RPS6KC1: variants seen among roughly 807,000 people sequenced by gnomAD.
RPS6KC1 encodes the protein inactive ribosomal protein S6 kinase delta-1.
RPS6KC1 carries 54 observed loss-of-function variants against 103.8 expected under a neutral mutation model. The ratio of observed to expected loss-of-function variants is 0.52; its 90% CI spans 0.42 to 0.65. The LOEUF (loss-of-function observed/expected upper bound fraction) is 0.65. Among genes scored for constraint, RPS6KC1 ranks in the 30% least tolerant of loss-of-function variants. RPS6KC1 has a pLI of 0.00. For missense variants in RPS6KC1, 1,151 were observed against 1,253.8 expected (o/e 0.92, Z 1.24); for synonymous variants, 439 against 438.7 (o/e 1.00, Z -0.01).
chr1:213,684,756 G>C, the RPS6KC1 span, among the ~76,000 whole-genome samples: 47 of 152,226 alleles, frequency 3.1e-4, no homozygotes, highest in African/African-American at 1.1e-3. Flanking sequence ...CCTTTTGCTG[G>C]AGTTGTCTGG....
the RPS6KC1 span, among the ~76,000 whole-genome samples, chr1:213,645,558 C>G: frequency 6.6e-6 from 1 of 152,120 alleles, no homozygotes; most frequent in Non-Finnish European, 1.5e-5. Context: ...TCCCCCTACC[C>G]CATGTCACCT....
intron 6 of RPS6KC1, among the ~76,000 whole-genome samples, chr1:213,155,684 A>G (rs571421925): frequency 6.6e-6 from 1 of 152,014 alleles, no homozygotes; most frequent in Non-Finnish European, 1.5e-5. Flanking sequence ...GTATCTTTTC[A>G]GTGCCCCTTT....
At chr1:213,499,288 C>G in the RPS6KC1 span, among the ~76,000 whole-genome samples, 1 of 152,152 alleles carries the variant, frequency 6.6e-6, no homozygotes, top group Admixed American at 6.5e-5. Context: ...CACTTGACTA[C>G]AGGACTACGT....
chr1:213,178,268 G>T (rs1184199459), intron 8 of RPS6KC1, among the ~76,000 whole-genome samples: 1 of 150,984 alleles, frequency 6.6e-6, no homozygotes, highest in Non-Finnish European at 1.5e-5. Context: ...TGCTGGGTGT[G>T]GTGGCTCATG....
At chr1:213,155,142 T>G (rs1477447077) in intron 6 of RPS6KC1, among the ~76,000 whole-genome samples, 2 of 152,144 alleles carry the variant, frequency 1.3e-5, no homozygotes, top group African/African-American at 4.8e-5. Flanking sequence ...GACAAAGTCC[T>G]CCCCACTTTC....
the RPS6KC1 span, among the ~76,000 whole-genome samples, chr1:213,486,711 T>A: frequency 6.6e-6 from 1 of 152,218 alleles, no homozygotes; most frequent in Non-Finnish European, 1.5e-5. Context: ...TAGACTCCTT[T>A]CTTCCTGCTC....
the RPS6KC1 span, among the ~76,000 whole-genome samples, chr1:213,599,237 C>A: frequency 1.3e-5 from 2 of 152,042 alleles, no homozygotes; most frequent in Non-Finnish European, 2.9e-5. Context: ...AGCTGGTGAT[C>A]AATAAGGCAG....
At chr1:213,728,965 T>TTA in the RPS6KC1 span, among the ~76,000 whole-genome samples, 2 of 141,040 alleles carry the variant, frequency 1.4e-5, no homozygotes, top group African/African-American at 2.7e-5. Context: ...TTTTTTTTTT[T>TTA]ACCAGTGGAC....
At chr1:213,302,256 C>G in the RPS6KC1 span, among the ~76,000 whole-genome samples, 1 of 152,136 alleles carries the variant, frequency 6.6e-6, no homozygotes, top group Non-Finnish European at 1.5e-5. Flanking sequence ...CCTGTCTATG[C>G]TTTTGAAATG....
chr1:213,122,628 T>A (rs2084523949), intron 5 of RPS6KC1, among the ~76,000 whole-genome samples: 1 of 152,162 alleles, frequency 6.6e-6, no homozygotes, highest in African/African-American at 2.4e-5. Context: ...GCAAGTAATT[T>A]AAAGTAAAAT....
chr1:213,496,289 A>G, the RPS6KC1 span, among the ~76,000 whole-genome samples: 1 of 152,230 alleles, frequency 6.6e-6, no homozygotes, highest in Non-Finnish European at 1.5e-5. Context: ...AGTGTCTCAG[A>G]ATGGGTTTTA....
the RPS6KC1 span, among the ~76,000 whole-genome samples, chr1:213,844,498 C>A: frequency 6.6e-6 from 1 of 152,242 alleles, no homozygotes; most frequent in African/African-American, 2.4e-5. Flanking sequence ...TTTAAGAATG[C>A]ATTTTCTCCA....
chr1:213,374,680 G>T, the RPS6KC1 span, among the ~76,000 whole-genome samples: 1 of 152,244 alleles, frequency 6.6e-6, no homozygotes, highest in African/African-American at 2.4e-5. Context: ...AAAGGTGGTA[G>T]AAGTTTTCCT....
chr1:213,562,359 G>GTTTTTTTTTTTTTTTTTT, the RPS6KC1 span, among the ~76,000 whole-genome samples: 1 of 36,278 alleles, frequency 2.8e-5, no homozygotes, highest in African/African-American at 1.2e-4. Flanking sequence ...GAAAAGTTCT[G>GTTTTTTTTTTTTTTTTTT]TTTTTTTTTT....
the RPS6KC1 span, among the ~76,000 whole-genome samples, chr1:213,842,959 A>G: frequency 6.6e-6 from 1 of 152,190 alleles, no homozygotes; most frequent in African/African-American, 2.4e-5. Context: ...TATATAATCT[A>G]TGTATTTATT....
At chr1:213,205,568 T>TATATATA (rs1553378518) in intron 8 of RPS6KC1, among the ~76,000 whole-genome samples, 4 of 47,644 alleles carry the variant, frequency 8.4e-5, no homozygotes, top group African/African-American at 3.4e-4. Context: ...ATATATATAT[T>TATATATA]TCAAAAGAAT....
intron 3 of RPS6KC1, among the ~76,000 whole-genome samples, chr1:213,103,045 A>G (rs2082150584): frequency 1.3e-5 from 2 of 152,008 alleles, no homozygotes; most frequent in East Asian, 1.9e-4. Flanking sequence ...TCTCTCTACA[A>G]AATAATTAGC....
At chr1:213,353,125 G>A in the RPS6KC1 span, among the ~76,000 whole-genome samples, 1 of 152,204 alleles carries the variant, frequency 6.6e-6, no homozygotes, top group Non-Finnish European at 1.5e-5. Flanking sequence ...ATCTCCACCA[G>A]CTATAATGTC....
Position 213,215,651 on chromosome 1 carries a change from G to A in RPS6KC1, c.1045-14846G>A, listed in dbSNP as rs1263251952. ...GAGAAAGGTCGGGTTACCCATGAAGGGAAGCCCACCAGACTAGCAGCTGAT... is the reference window on the plus strand; with the variant it reads ...GAGAAAGGTCGGGTTACCCATGAAGAGAAGCCCACCAGACTAGCAGCTGAT... On this transcript the variant is annotated intron_variant, in intron 8 of 14. Coordinates refer to ENST00000366960, the MANE Select transcript of RPS6KC1 (RefSeq NM_012424.6). 3.9e-5 allele frequency among the ~76,000 whole-genome samples: 6 copies of A among 152,286 alleles called. No homozygotes were observed. The East Asian group carries it at 9.6e-4, about 24-fold the overall frequency.
Sources: allele counts gnomAD v4.1 joint callset (sites outside exome capture counted in the v4.1 genomes callset), GRCh38; gene constraint gnomAD v4.1.1; transcripts MANE v1.5; gene names NCBI Gene and HGNC (gene_info 2026-07-23, HGNC 2026-07-21).